Variants in ARHGEF12 observed in about 807,000 individuals in gnomAD.
ARHGEF12 encodes KMT2A/ARHGEF12 fusion protein.
Under a neutral mutation model 211.2 loss-of-function variants are expected in ARHGEF12, and 66 were observed. The observed-to-expected ratio is 0.31, with a 90% confidence interval of 0.26 to 0.38. The LOEUF (loss-of-function observed/expected upper bound fraction) is 0.38. Among genes scored for constraint, ARHGEF12 ranks in the 10% least tolerant of loss-of-function variants. The pLI, the probability that ARHGEF12 is intolerant of heterozygous loss-of-function variation, is 1.00. For missense variants in ARHGEF12, 1,429 were observed against 1,869.5 expected (o/e 0.76, Z 4.34); for synonymous variants, 592 against 638.4 (o/e 0.93, Z 1.09).
intron 1 of ARHGEF12, among the ~76,000 whole-genome samples, chr11:120,347,264 CTCTG>C (rs61622834): frequency 0.013 from 1,472 of 112,848 alleles, 21 homozygotes; most frequent in African/African-American, 0.028. Context: ...CTCTCTCTCT[CTCTG>C]TCTGTGTGTG....
intron 12 of ARHGEF12, chr11:120,438,343 A>C (rs1945758616): frequency 6.6e-6 from 1 of 151,678 alleles, no homozygotes; most frequent in Non-Finnish European, 1.5e-5. Context: ...GAGTTTCGCC[A>C]TGTTGGCCAG....
chr11:120,385,758 C>T (rs1047178856), intron 1 of ARHGEF12, among the ~76,000 whole-genome samples: 2 of 152,186 alleles, frequency 1.3e-5, no homozygotes, highest in African/African-American at 4.8e-5. Context: ...TTACATCCAG[C>T]ATTGCAAGGA....
At chr11:120,387,294 C>A (rs1944067098) in intron 1 of ARHGEF12, among the ~76,000 whole-genome samples, 1 of 151,928 alleles carries the variant, frequency 6.6e-6, no homozygotes, top group African/African-American at 2.4e-5. Context: ...ATATTACATA[C>A]AATATACATT....
At chr11:120,484,961 T>G in intron 40 of ARHGEF12, 106 bp from the exon 41 acceptor site, 1 of 1,219,970 alleles carries the variant, frequency 8.2e-7, no homozygotes, top group Non-Finnish European at 1.2e-6. Context: ...ACATACTGAT[T>G]CAGAAACAAA....
chr11:120,394,773 G>T (rs1363016958), intron 1 of ARHGEF12, among the ~76,000 whole-genome samples: 1 of 151,768 alleles, frequency 6.6e-6, no homozygotes, highest in Admixed American at 6.6e-5. Context: ...AAAAAATAGG[G>T]GAGGCTGGGT....
At chr11:120,457,809 C>A (rs1946410470) in intron 24 of ARHGEF12, 53 bp downstream of exon 24, 9 of 1,557,346 alleles carry the variant, frequency 5.8e-6, no homozygotes, top group Non-Finnish European at 7.9e-6. Flanking sequence ...GAAACGTAAC[C>A]TTTTTTCCTC....
chr11:120,350,528 A>G (rs1481301053), intron 1 of ARHGEF12, among the ~76,000 whole-genome samples: 1 of 152,062 alleles, frequency 6.6e-6, no homozygotes, highest in Admixed American at 6.6e-5. Flanking sequence ...AAAAAAAAAA[A>G]AGTGAGAAGT....
At position 120,479,873 on chromosome 11, in the gene ARHGEF12, A is replaced by G. The variant is rs539164861; in HGVS notation, c.3767-87A>G. ...AAAAGATACTTTTTAAAGATAGATC[A>G]TTGGTAAGTCAGCTAATTTAATTCT... On this transcript the variant is annotated intron_variant, in intron 37 of 40. Coordinates refer to ENST00000397843, the MANE Select transcript of ARHGEF12 (RefSeq NM_015313.3). The G allele has an allele frequency of 6.5e-6, 7 of 1,068,768 alleles. No individual in the cohort carries two copies. The African/African-American group carries it at 7.9e-5, about 12-fold the overall frequency. The allele number at this position is 1,068,768 out of a possible 1,614,324, so 66.2% of individuals were successfully genotyped here.
chr11:120,435,122 G>T (rs1945655339), intron 11 of ARHGEF12, among the ~76,000 whole-genome samples: 4 of 151,976 alleles, frequency 2.6e-5, no homozygotes, highest in African/African-American at 9.7e-5. Flanking sequence ...TCCAGTCAAG[G>T]CTTTCATATT....
At chr11:120,446,055 G>T (rs140180880) in intron 16 of ARHGEF12, among the ~76,000 whole-genome samples, 1,961 of 151,300 alleles carry the variant, frequency 0.013, 51 homozygotes, top group African/African-American at 0.046. Flanking sequence ...AAAAGTAGCT[G>T]GGCGTGGTGG....
At chr11:120,474,285 A>G (rs997936079) in intron 31 of ARHGEF12, among the ~76,000 whole-genome samples, 1 of 152,242 alleles carries the variant, frequency 6.6e-6, no homozygotes, top group African/African-American at 2.4e-5. Context: ...CTTGATCTTC[A>G]TAATCTGTTA....
intron 1 of ARHGEF12, among the ~76,000 whole-genome samples, chr11:120,367,383 T>TTTTTTTTTTTTTTTG (rs1943457750): frequency 8.0e-6 from 1 of 124,596 alleles, no homozygotes; most frequent in African/African-American, 3.0e-5. Context: ...TTTTTTTTTT[T>TTTTTTTTTTTTTTTG]GAGGTGGAGT....
intron 11 of ARHGEF12, among the ~76,000 whole-genome samples, chr11:120,435,467 G>A (rs1945664712): frequency 6.6e-6 from 1 of 150,952 alleles, no homozygotes; most frequent in Admixed American, 6.6e-5. Context: ...AAGGTGTTTA[G>A]GTGATATCAA....
chr11:120,476,039 G>T (rs966598805), intron 33 of ARHGEF12: 2 of 152,706 alleles, frequency 1.3e-5, no homozygotes, highest in Non-Finnish European at 2.9e-5. Context: ...ATGCAAAAGA[G>T]TAATAGCATT....
intron 10 of ARHGEF12, 115 bp downstream of exon 10, chr11:120,429,946 A>G (rs1204517155): frequency 2.6e-6 from 3 of 1,141,624 alleles, no homozygotes; most frequent in Non-Finnish European, 2.4e-6. Flanking sequence ...GCGTAGGACA[A>G]CAGGATGTCC....
At chr11:120,441,892 A>G in intron 14 of ARHGEF12, 75 bp downstream of exon 14, 3 of 1,307,142 alleles carry the variant, frequency 2.3e-6, no homozygotes, top group Non-Finnish European at 3.3e-6. Context: ...TCCTAGCTAT[A>G]CAACGAGTGG....
chr11:120,421,017 C>G (rs1945169024), intron 5 of ARHGEF12, among the ~76,000 whole-genome samples, 166 bp downstream of exon 5: 1 of 152,162 alleles, frequency 6.6e-6, no homozygotes, highest in African/African-American at 2.4e-5. Context: ...GGAGTTTACT[C>G]CAGTTGATTT....
Position 120,337,132 on chromosome 11 carries a change from CT to C in ARHGEF12, c.-108del, listed in dbSNP as rs2135204931. On this transcript the variant is annotated 5_prime_UTR_variant, in exon 1 of 41. An upstream open reading frame in the 5' UTR loses its in-frame stop. Coordinates refer to ENST00000397843, the MANE Select transcript of ARHGEF12 (RefSeq NM_015313.3). ...TGACTGAATGGAGTTTTGAGTTGGA[CT>C]TTTGTGTCCCTGACGGAGTTGGGCC... The C allele has an allele frequency of 7.5e-7, 1 of 1,341,010 alleles. No individual in the cohort carries two copies. The highest frequency in any genetic ancestry group is 1.1e-6 in the Non-Finnish European group (1 of 936,264). 83.1% of individuals were successfully genotyped at this position (1,341,010 alleles called of 1,614,324 possible). A position where few individuals can be genotyped will look rare whatever the true frequency, so the allele number is the denominator to read the frequency against.
intron 1 of ARHGEF12, among the ~76,000 whole-genome samples, chr11:120,366,129 G>A (rs551148433): frequency 2.6e-5 from 4 of 152,270 alleles, no homozygotes; most frequent in African/African-American, 9.6e-5. Context: ...GGTGGCATAT[G>A]CCTGTGGGGC....
Sources: allele counts gnomAD v4.1 joint callset (sites outside exome capture counted in the v4.1 genomes callset), GRCh38; gene constraint gnomAD v4.1.1; transcripts MANE v1.5; gene names NCBI Gene and HGNC (gene_info 2026-07-23, HGNC 2026-07-21).